TELO2: variants seen among roughly 807,000 people sequenced by gnomAD.
TELO2 encodes the protein telomere length regulation protein TEL2 homolog.
Under a neutral mutation model 91.0 loss-of-function variants are expected in TELO2, and 71 were observed. That is an observed-to-expected ratio of 0.78 (90% CI 0.64 to 0.95). The LOEUF (loss-of-function observed/expected upper bound fraction) is 0.95, where lower values mean the gene tolerates loss of function less well. TELO2 is among the 40% of genes least tolerant of loss of function. TELO2 has a pLI of 0.00. For synonymous variants in TELO2, 584 were observed against 518.9 expected (o/e 1.13, Z -1.71); for missense variants, 1,183 against 1,141.3 (o/e 1.04, Z -0.53).
chr16:1,505,723 T>C lies in TELO2; in HGVS notation c.2034+122T>C. On this transcript the variant is annotated intron_variant, in intron 16 of 20. Coordinates refer to ENST00000262319, the MANE Select transcript of TELO2 (RefSeq NM_016111.4). This position sits in a 1 kb window ranked among gnomAD's most constrained non-coding sequence, Gnocchi z 4.3. Reference sequence around the variant, plus strand: ...GGCCACATTCGCTGGGGATGGTGCCTTTGCCGGGATTCCTGAAAGGCAGGG... The same window carrying C: ...GGCCACATTCGCTGGGGATGGTGCCCTTGCCGGGATTCCTGAAAGGCAGGG... 2 of 1,249,586 alleles carry C rather than the reference T, an allele frequency of 1.6e-6. No individual in the cohort carries two copies. Among genetic ancestry groups the C allele is most frequent in the Non-Finnish European group, 2.2e-6 (2 of 920,010 alleles). 77.4% of individuals were successfully genotyped at this position (1,249,586 alleles called of 1,614,324 possible).
Position 1,497,841 on chromosome 16 carries a change from G to A in TELO2, c.830+333G>A, listed in dbSNP as rs1429840761. 1.3e-5 allele frequency among the ~76,000 whole-genome samples: 2 copies of A among 152,030 alleles called. No individual in the cohort carries two copies. Among genetic ancestry groups the A allele is most frequent in the Non-Finnish European group, 2.9e-5 (2 of 67,996 alleles). On this transcript the variant is annotated intron_variant, in intron 5 of 20. Transcript: ENST00000262319. The surrounding 1 kb of genome is among the most constrained non-coding windows in gnomAD (Gnocchi z 4.0). ...TCCAGGCTCTGACATGGTGATGGGC[G>A]GTGACTCACTTCCCCACGTCTTTGT...
At chr16:1,506,108 C>T (rs542236926) in intron 16 of TELO2, 130 bp from the exon 17 acceptor site, 459 of 1,007,552 alleles carry the variant, frequency 4.6e-4, no homozygotes, top group Admixed American at 8.9e-4. Context: ...TGGGCGGGGC[C>T]GGAAGAGTAG....
In TELO2 at chr16:1,497,468, A is replaced by G. The variant is rs1268110117; in HGVS notation, c.790A>G (p.Met264Val). The G allele has an allele frequency of 3.8e-6, 6 of 1,575,184 alleles. No individual in the cohort carries two copies. Among genetic ancestry groups the G allele is most frequent in the African/African-American group, 2.7e-5 (2 of 73,878 alleles). The part of the protein sequence containing the change: ...RLVEQVPDRA[M>V]EAVLTGLVEA... The stretch of plus-strand genomic sequence containing the variant: ...GGTGGAGCAAGTGCCGGACCGGGCC[A>G]TGGAGGCTGTGCTGACCGGGCTGGT... Residue 264 changes from methionine (M) to valine (V), a missense_variant, in exon 5 of 21, where the codon ATG becomes GTG. By Grantham distance (21) the Met-to-Val change is conservative. Transcript: ENST00000262319. The surrounding 1 kb of genome is among the most constrained non-coding windows in gnomAD (Gnocchi z 4.0).
intron 11 of TELO2, 109 bp downstream of exon 11, chr16:1,501,882 TC>T (rs1263630350): frequency 6.9e-7 from 1 of 1,451,670 alleles, no homozygotes; most frequent in East Asian, 2.3e-5. Flanking sequence ...CCGTGCTTCT[TC>T]TCTTTCGTCC....
intron 20 of TELO2, among the ~76,000 whole-genome samples, 195 bp downstream of exon 20, chr16:1,507,911 G>GGTGTGT (rs143221233): frequency 7.7e-6 from 1 of 130,622 alleles, no homozygotes; most frequent in Non-Finnish European, 1.6e-5. Context: ...GTCGGCCCGG[G>GGTGTGT]GTGTGTGTGT....
chr16:1,502,584 G>A (rs552704099), intron 13 of TELO2, 61 bp from the exon 14 acceptor site: 15 of 1,575,776 alleles, frequency 9.5e-6, no homozygotes, highest in East Asian at 6.7e-5. Context: ...TGTGAGCCTC[G>A]GTGAGGCCTC....
Position 1,493,381 on chromosome 16 carries a change from GC to G in TELO2, c.-260del, listed in dbSNP as rs2039371049. 6.6e-6 allele frequency: 1 copy of G among 152,190 alleles called. No individual in the cohort carries two copies. Among genetic ancestry groups the G allele is most frequent in the Admixed American group, 6.5e-5 (1 of 15,282 alleles). 9.4% of individuals were successfully genotyped at this position (152,190 alleles called of 1,614,324 possible). ...AGGCGCAGATGCGCCCTCCCGCCTGGCGTCCTCCGCAGATTCGCGCTGAGAG... is the reference window on the plus strand; with the variant it reads ...AGGCGCAGATGCGCCCTCCCGCCTGGGTCCTCCGCAGATTCGCGCTGAGAG... On this transcript the variant is annotated 5_prime_UTR_variant, in exon 1 of 21. The change abolishes the stop of an existing upstream ORF in the 5' untranslated region. Transcript: ENST00000262319. This position sits in a 1 kb window ranked among gnomAD's most constrained non-coding sequence, Gnocchi z 4.3.
chr16:1,499,746 C>T (rs977181607), intron 6 of TELO2, among the ~76,000 whole-genome samples: 1 of 152,196 alleles, frequency 6.6e-6, no homozygotes, highest in African/African-American at 2.4e-5. Flanking sequence ...AGCCGGGTCC[C>T]CTGACTCCCG....
chr16:1,497,052 C>A lies in TELO2; in HGVS notation c.630C>A (p.Ser210=), dbSNP rs374300390. The A allele has an allele frequency of 3.1e-6, 5 of 1,614,026 alleles. No homozygotes were observed. Among genetic ancestry groups the A allele is most frequent in the East Asian group, 4.5e-5 (2 of 44,876 alleles). Reference sequence around the variant, plus strand: ...CTGTCCCAGGTGGCCTGGATTCCTCCGTGTCCTTCGTGTCTCAGGTCCTTG... The same window carrying A: ...CTGTCCCAGGTGGCCTGGATTCCTCAGTGTCCTTCGTGTCTCAGGTCCTTG... ...VDSLQGGLDS[S]VSFVSQVLGK... is the part of the protein sequence containing the mutation. The change falls in exon 4 of 21, where the codon TCC becomes TCA. Residue 210 remains serine (S), a synonymous_variant. Coordinates refer to ENST00000262319, the MANE Select transcript of TELO2 (RefSeq NM_016111.4). This position sits in a 1 kb window ranked among gnomAD's most constrained non-coding sequence, Gnocchi z 4.0.
intron 17 of TELO2, 199 bp downstream of exon 17, chr16:1,506,528 G>A (rs887688884): frequency 3.5e-6 from 5 of 1,440,516 alleles, no homozygotes; most frequent in South Asian, 1.4e-5. Context: ...TTGCCATGAG[G>A]CACCAGGCAT....
chr16:1,503,049 C>T (rs1438926085), intron 15 of TELO2, 47 bp downstream of exon 15: 1 of 1,600,428 alleles, frequency 6.2e-7, no homozygotes, highest in Non-Finnish European at 8.5e-7. Flanking sequence ...CCCAAGCTGC[C>T]CTAAGGTGGG....
In TELO2 at chr16:1,504,895, G is replaced by A. The variant is rs751369980; in HGVS notation, c.1843-515G>A. Among the ~76,000 whole-genome samples the A allele has an allele frequency of 1.7e-4, 26 of 152,040 alleles. 1 individual carries two copies. Among genetic ancestry groups the A allele is most frequent in the Non-Finnish European group, 2.8e-4 (19 of 68,002 alleles). On this transcript the variant is annotated intron_variant, in intron 15 of 20. Coordinates refer to ENST00000262319, the MANE Select transcript of TELO2 (RefSeq NM_016111.4). ...AGCCGCCTCTGTCTAGTCCCAGAGC[G>A]TCCTTATCACCCCAGAGGGAAACCC...
At chr16:1,506,700 C>T (rs768865691) in intron 17 of TELO2, 63 of 1,384,242 alleles carry the variant, frequency 4.6e-5, no homozygotes, top group Non-Finnish European at 5.4e-5. Context: ...AGTGTGGGGC[C>T]TGGGTTGTGC....
chr16:1,505,207 G>A lies in TELO2; in HGVS notation c.1843-203G>A. Reference sequence around the variant, plus strand: ...GTGTTCTCATCTCCTGGAGCACGGTGCCCACCTTCCCCACCTTCCCGCCTA... The same window carrying A: ...GTGTTCTCATCTCCTGGAGCACGGTACCCACCTTCCCCACCTTCCCGCCTA... On this transcript the variant is annotated intron_variant, in intron 15 of 20. Coordinates refer to ENST00000262319, the MANE Select transcript of TELO2 (RefSeq NM_016111.4). This position sits in a 1 kb window ranked among gnomAD's most constrained non-coding sequence, Gnocchi z 4.3. 1.7e-6 allele frequency: 1 copy of A among 605,256 alleles called. No homozygotes were observed. The highest frequency in any genetic ancestry group is 2.8e-5 in the East Asian group (1 of 35,626). The allele number at this position is 605,256 out of a possible 1,614,324, so 37.5% of individuals were successfully genotyped here. A position where few individuals can be genotyped will look rare whatever the true frequency, so the allele number is the denominator to read the frequency against.
chr16:1,500,486 A>AT lies in TELO2; in HGVS notation c.1143dup (p.Glu382Ter). 1 of 1,610,630 alleles carries AT rather than the reference A, an allele frequency of 6.2e-7. No individual in the cohort carries two copies. The highest frequency in any genetic ancestry group is 8.5e-7 in the Non-Finnish European group (1 of 1,179,088). On this transcript the variant is annotated frameshift_variant and splice_region_variant, in exon 8 of 21. Transcript: ENST00000262319. LOFTEE classifies it high-confidence loss of function. Reference sequence around the variant, plus strand: ...GAGCCGGAACTGCGGGACAGCCGGGATGGTGAGCGGGTGGTTTGGGCTCCC... The same window carrying AT: ...GAGCCGGAACTGCGGGACAGCCGGGATTGGTGAGCGGGTGGTTTGGGCTCCC...
Position 1,506,387 on chromosome 16 carries a change from CTG to C in TELO2, c.2126+61_2126+62del, listed in dbSNP as rs1596269871. 2.1e-5 allele frequency: 34 copies of C among 1,612,258 alleles called. No individual in the cohort carries two copies. In the East Asian group the frequency reaches 7.4e-4, roughly 35 times the overall value. ...GGGGACAGGGACCCTGGACGTACCA[CTG>C]TGGCCAAGAAGTTCGGGCTGGGATC... On this transcript the variant is annotated intron_variant, in intron 17 of 20. Transcript: ENST00000262319.
At chr16:1,507,437 C>G in intron 19 of TELO2, 67 bp downstream of exon 19, 1 of 1,580,676 alleles carries the variant, frequency 6.3e-7, no homozygotes. Context: ...ATTGTGGGGG[C>G]CCCGTGGAGC....
In TELO2 at chr16:1,502,708, G is replaced by A; in HGVS notation, c.1717G>A (p.Ala573Thr). ...LEEKTCVVGF[A>T]GLRQRALVAV... ...GGAGAAGACCTGTGTGGTGGGATTT[G>A]CAGGGCTGCGCCAGAGAGCCCTGGT... The change falls in exon 14 of 21, where the codon GCA (alanine) becomes ACA (threonine). Residue 573 changes from alanine (A) to threonine (T), a missense_variant. Coordinates refer to ENST00000262319, the MANE Select transcript of TELO2 (RefSeq NM_016111.4). 3 of 1,612,722 alleles carry A rather than the reference G, an allele frequency of 1.9e-6. No individual in the cohort carries two copies. The highest frequency in any genetic ancestry group is 2.5e-6 in the Non-Finnish European group (3 of 1,179,886).
rs373151028 is a variant in TELO2, at chr16:1,495,475, G to A, written c.465G>A (p.Thr155=). 5.0e-6 allele frequency: 8 copies of A among 1,610,308 alleles called. No homozygotes were observed. Among genetic ancestry groups the A allele is most frequent in the East Asian group, 2.2e-5 (1 of 44,828 alleles). Residue 155 remains threonine, a synonymous_variant, in exon 3 of 21, where the codon ACG becomes ACA. Coordinates refer to ENST00000262319, the MANE Select transcript of TELO2 (RefSeq NM_016111.4). ...TQPGFILLRE[T]LLGKVVALPD... The stretch of plus-strand genomic sequence containing the variant: ...CCGGCTTCATCCTGCTCCGGGAGAC[G>A]CTGCTGGGCAAGGTGGTGGCCCTGC...
Sources: gnomAD v4.1 joint callset for allele counts (sites outside exome capture counted in the v4.1 genomes callset) on GRCh38, gnomAD v4.1.1 for gene constraint, Gnocchi (gnomAD v3.1) non-coding constraint, MANE v1.5 for transcripts, NCBI Gene and HGNC (gene_info 2026-07-23, HGNC 2026-07-21) for gene names.